The following PTPN20 variants were observed in gnomAD, a reference collection of about 807,000 sequenced individuals.
PTPN20 encodes protein tyrosine phosphatase non-receptor type 20, also known as tyrosine-protein phosphatase non-receptor type 20.
A neutral mutation model predicts 35.0 loss-of-function variants in PTPN20; 9 were observed. The ratio of observed to expected loss-of-function variants is 0.26; its 90% CI spans 0.15 to 0.45. The LOEUF is 0.45. Among genes scored for constraint, PTPN20 ranks in the 20% least tolerant of loss-of-function variants. PTPN20 has a pLI of 1.00. For missense variants in PTPN20, 111 were observed against 312.5 expected, an observed-to-expected ratio of 0.36 and a Z score of 4.86; for synonymous variants, 32 against 100.2, an observed-to-expected ratio of 0.32 and a Z score of 4.06.
chr10:46,940,553 A>G (rs1353517174), intron 2 of PTPN20, 70 bp from the exon 3 acceptor site: 2 of 1,492,134 alleles, frequency 1.3e-6, no homozygotes, highest in Admixed American at 1.7e-5. Flanking sequence ...GTTTTTTCTC[A>G]TTAAGGCTCC....
chr10:46,998,591 A>T (rs1590049777), intron 9 of PTPN20, among the ~76,000 whole-genome samples: 1 of 151,914 alleles, frequency 6.6e-6, no homozygotes, highest in Admixed American at 6.6e-5. Context: ...TTCACATATG[A>T]TATAATTGCA....
At chr10:46,951,638 A>G (rs1204920477) in intron 5 of PTPN20, among the ~76,000 whole-genome samples, 3 of 151,568 alleles carry the variant, frequency 2.0e-5, no homozygotes, top group Non-Finnish European at 4.4e-5. Context: ...AGGGGTATAG[A>G]AAACTATATT....
intron 5 of PTPN20, among the ~76,000 whole-genome samples, chr10:46,948,966 A>T (rs2045848965): frequency 2.0e-5 from 3 of 150,172 alleles, no homozygotes; most frequent in South Asian, 2.2e-4. Flanking sequence ...TGTAATAATA[A>T]TGGCATTAAA....
At chr10:46,976,510 G>C (rs1333282875) in intron 7 of PTPN20, among the ~76,000 whole-genome samples, 2 of 80,336 alleles carry the variant, frequency 2.5e-5, no homozygotes, top group African/African-American at 4.9e-5. Context: ...TTACTTCACT[G>C]TCCTCTTCCT....
rs2056988463 is a variant in PTPN20, at chr10:46,987,537, C to CGT, written c.1116_1117insGT (p.Ile373ValfsTer3). 1.7e-4 allele frequency: 6 copies of CGT among 35,684 alleles called. No individual in the cohort carries two copies. Among genetic ancestry groups the CGT allele is most frequent in the South Asian group, 3.9e-4 (2 of 5,110 alleles). 2.2% of individuals were successfully genotyped at this position (35,684 alleles called of 1,614,324 possible). A position where few individuals can be genotyped will look rare whatever the true frequency, so the allele number is the denominator to read the frequency against. ...TATGTGTGGATGTCGTGTTCTGTGCCATCGTAAAGAACTGTTCAGTAAGTG... is the reference window on the plus strand; with the variant it reads ...TATGTGTGGATGTCGTGTTCTGTGCCGTATCGTAAAGAACTGTTCAGTAAGTG... On this transcript the variant is annotated frameshift_variant, in exon 9 of 11. Transcript: ENST00000374339. LOFTEE classifies it high-confidence loss of function.
chr10:46,945,296 T>C (rs1156327328), intron 4 of PTPN20, among the ~76,000 whole-genome samples: 1 of 152,042 alleles, frequency 6.6e-6, no homozygotes, highest in Non-Finnish European at 1.5e-5. Context: ...ACTATCTATT[T>C]ATCCATCCAG....
chr10:46,918,392 A>AT (rs1216982509), intron 1 of PTPN20, among the ~76,000 whole-genome samples: 7 of 44,964 alleles, frequency 1.6e-4, no homozygotes, highest in African/African-American at 2.9e-4. Context: ...CATTTCATTG[A>AT]TTTTTTTTCC....
At position 47,001,850 on chromosome 10, in the gene PTPN20, C is replaced by T. The variant is rs1045908854; in HGVS notation, c.*1109C>T. The stretch of plus-strand genomic sequence containing the variant: ...GTAATTTTATTATAGGACTTTGCCT[C>T]GTACAATTAATAGTGATATTTTGGA... On this transcript the variant is annotated 3_prime_UTR_variant, in exon 11 of 11. Coordinates refer to ENST00000374339, the MANE Select transcript of PTPN20 (RefSeq NM_001042357.5). The T allele has an allele frequency of 2.6e-5, 4 of 151,990 alleles. No individual in the cohort carries two copies. Among genetic ancestry groups the T allele is most frequent in the Non-Finnish European group, 4.4e-5 (3 of 67,986 alleles). The allele number at this position is 151,990 out of a possible 1,614,324, so 9.4% of individuals were successfully genotyped here.
intron 2 of PTPN20, among the ~76,000 whole-genome samples, chr10:46,939,762 T>C (rs1167177294): frequency 6.6e-6 from 1 of 150,770 alleles, no homozygotes; most frequent in African/African-American, 2.4e-5. Flanking sequence ...TTCACATTAG[T>C]TTTGATATGT....
intron 5 of PTPN20, among the ~76,000 whole-genome samples, chr10:46,953,379 C>CTTTCTT (rs1565508738): frequency 1.5e-5 from 2 of 137,018 alleles, no homozygotes; most frequent in Non-Finnish European, 3.0e-5. Context: ...TTCTTTCTTT[C>CTTTCTT]TTTCTTTCTT....
chr10:46,953,064 T>C (rs1487593287), intron 5 of PTPN20, among the ~76,000 whole-genome samples: 1 of 145,152 alleles, frequency 6.9e-6, no homozygotes, highest in African/African-American at 2.7e-5. Flanking sequence ...TATATATGTT[T>C]TGTTAGATTT....
chr10:46,993,393 G>T (rs2058380857), intron 9 of PTPN20, among the ~76,000 whole-genome samples: 1 of 152,206 alleles, frequency 6.6e-6, no homozygotes, highest in Non-Finnish European at 1.5e-5. Flanking sequence ...GATCCTCTGT[G>T]CTTGGGAGTC....
chr10:46,938,171 G>A (rs1447424775), intron 2 of PTPN20, among the ~76,000 whole-genome samples: 6 of 149,768 alleles, frequency 4.0e-5, no homozygotes, highest in Admixed American at 3.3e-4. Context: ...GGCTGATCTC[G>A]AACTCCTGAC....
chr10:46,937,547 T>C (rs1403387655), intron 2 of PTPN20, among the ~76,000 whole-genome samples: 1 of 150,748 alleles, frequency 6.6e-6, no homozygotes, highest in African/African-American at 2.4e-5. Context: ...TTCGCTACTG[T>C]GCGCTTCATT....
At chr10:46,972,156 G>A (rs1419973973) in intron 7 of PTPN20, among the ~76,000 whole-genome samples, 3 of 101,382 alleles carry the variant, frequency 3.0e-5, no homozygotes, top group African/African-American at 3.6e-5. Flanking sequence ...AAAAAGGAAA[G>A]CAACAGGCTA....
intron 5 of PTPN20, among the ~76,000 whole-genome samples, chr10:46,954,099 T>TG (rs2047685014): frequency 2.0e-5 from 2 of 101,298 alleles, no homozygotes; most frequent in Non-Finnish European, 3.8e-5. Flanking sequence ...TTTTTTTTTT[T>TG]TGGGGGGGGG....
chr10:46,954,672 T>C (rs1297160230), intron 5 of PTPN20, among the ~76,000 whole-genome samples: 1 of 148,894 alleles, frequency 6.7e-6, no homozygotes, highest in African/African-American at 2.6e-5. Flanking sequence ...ACTGTATCAA[T>C]TCTATTGATA....
intron 5 of PTPN20, among the ~76,000 whole-genome samples, chr10:46,950,606 T>G (rs1477260881): frequency 6.6e-6 from 1 of 152,042 alleles, no homozygotes; most frequent in African/African-American, 2.4e-5. Context: ...TTGTACCTAT[T>G]TAACATTTAA....
chr10:46,947,701 T>C (rs1409378124), intron 5 of PTPN20: 5 of 352,436 alleles, frequency 1.4e-5, no homozygotes, highest in Non-Finnish European at 2.7e-5. Context: ...TCTTTACTTT[T>C]GTCTTTTTCA....
Sources: allele counts gnomAD v4.1 joint callset (sites outside exome capture counted in the v4.1 genomes callset), GRCh38; gene constraint gnomAD v4.1.1; transcripts MANE v1.5; gene names NCBI Gene and HGNC (gene_info 2026-07-23, HGNC 2026-07-21).